The following EPHA7 variants were observed in gnomAD, a reference collection of about 807,000 sequenced individuals.
EPHA7 encodes EPH receptor A7.
A neutral mutation model predicts 112.6 loss-of-function variants in EPHA7; 25 were observed. The ratio of observed to expected loss-of-function variants is 0.22; its 90% CI spans 0.16 to 0.31. The LOEUF is 0.31. EPHA7 is among the 10% of genes least tolerant of loss of function. The pLI is 1.00. For missense variants in EPHA7, 962 were observed against 1,212.6 expected (o/e 0.79, Z 3.07); for synonymous variants, 437 against 406.5 (o/e 1.07, Z -0.90).
Position 93,280,987 on chromosome 6 carries a change from T to A in EPHA7, c.1325-8565A>T, listed in dbSNP as rs182320650. Among the ~76,000 whole-genome samples the A allele has an allele frequency of 2.9e-3, 446 of 152,238 alleles. 2 individuals carry two copies. The highest frequency in any genetic ancestry group is 0.01 in the African/African-American group (421 of 41,560). ...TGAGTTTGAGAATAATTCCTTTAAA[T>A]CTTTTGCAGGAACATAAATTGCTAT... On this transcript the variant is annotated intron_variant, in intron 5 of 16. Transcript: ENST00000369303.
chr6:93,386,257 T>A (rs530468099), intron 3 of EPHA7, among the ~76,000 whole-genome samples: 1 of 152,178 alleles, frequency 6.6e-6, no homozygotes, highest in South Asian at 2.1e-4. Flanking sequence ...GCCTGTAAAA[T>A]CAAATGCAAG....
intron 5 of EPHA7, among the ~76,000 whole-genome samples, chr6:93,333,429 T>C (rs912843502): frequency 1.3e-5 from 2 of 151,962 alleles, no homozygotes; most frequent in Admixed American, 1.3e-4. Flanking sequence ...GATCAAATGA[T>C]AGTTCTGTTT....
rs1337760902 is a variant in EPHA7, at chr6:93,242,422, A to C, written c.*1004T>G. On this transcript the variant is annotated 3_prime_UTR_variant, in exon 17 of 17. Transcript: ENST00000369303. ...CATTCAACAGAAGAGGATATAAAAT[A>C]TATGTCAACTATTTATCCTAAATTT... 5.2e-6 allele frequency: 1 copy of C among 193,806 alleles called. No individual in the cohort carries two copies. Among genetic ancestry groups the C allele is most frequent in the African/African-American group, 2.3e-5 (1 of 43,186 alleles). The allele number at this position is 193,806 out of a possible 1,614,324, so 12.0% of individuals were successfully genotyped here.
chr6:93,294,990 C>T (rs1772583236), intron 5 of EPHA7, among the ~76,000 whole-genome samples: 1 of 151,056 alleles, frequency 6.6e-6, no homozygotes. Flanking sequence ...CCAAATCATA[C>T]AGTGTGTTTA....
chr6:93,381,645 GT>G (rs2127971485), intron 3 of EPHA7, among the ~76,000 whole-genome samples: 1 of 152,156 alleles, frequency 6.6e-6, no homozygotes, highest in Non-Finnish European at 1.5e-5. Flanking sequence ...TATGTCAATG[GT>G]TGTTGGAACA....
intron 3 of EPHA7, 117 bp from the exon 4 acceptor site, chr6:93,358,528 TTGA>T (rs1460629731): frequency 1.2e-5 from 10 of 813,126 alleles, no homozygotes; most frequent in Non-Finnish European, 1.4e-5. Context: ...AAACAAGCTC[TTGA>T]TGATAAAATA....
At chr6:93,303,998 G>C (rs1047225084) in intron 5 of EPHA7, among the ~76,000 whole-genome samples, 7 of 151,992 alleles carry the variant, frequency 4.6e-5, no homozygotes, top group Admixed American at 4.6e-4. Flanking sequence ...ATAGGAGAAA[G>C]GTGCTTTTGC....
chr6:93,405,570 C>T (rs1026360403), intron 3 of EPHA7, among the ~76,000 whole-genome samples: 23 of 151,376 alleles, frequency 1.5e-4, no homozygotes, highest in African/African-American at 5.1e-4. Context: ...GTCCCACATG[C>T]TATTTTTAGG....
chr6:93,357,328 CCA>C (rs1158532265), intron 4 of EPHA7, among the ~76,000 whole-genome samples: 3 of 152,108 alleles, frequency 2.0e-5, no homozygotes, highest in African/African-American at 4.8e-5. Context: ...TGTACTTTTG[CCA>C]CAGTCTTTAA....
chr6:93,271,979 T>C (rs1338916015), intron 6 of EPHA7, among the ~76,000 whole-genome samples: 13 of 151,836 alleles, frequency 8.6e-5, no homozygotes, highest in South Asian at 2.1e-4. Flanking sequence ...TCAAAATGCA[T>C]TGGGCTGTGT....
In EPHA7 at chr6:93,258,289, A is replaced by G; in HGVS notation, c.1925-5T>C. The G allele has an allele frequency of 6.4e-7, 1 of 1,573,758 alleles. No homozygotes were observed. Among genetic ancestry groups the G allele is most frequent in the Non-Finnish European group, 8.6e-7 (1 of 1,160,016 alleles). ...TGCAGACTTCACCGAATTCTCCTGA[A>G]GTAACAGAACAAGCAGGCATATTTT... On this transcript the variant is annotated splice_region_variant and splice_polypyrimidine_tract_variant and intron_variant, in intron 10 of 16. Transcript: ENST00000369303.
At chr6:93,247,188 A>T (rs2127847556) in intron 14 of EPHA7, among the ~76,000 whole-genome samples, 1 of 152,298 alleles carries the variant, frequency 6.6e-6, no homozygotes, top group Non-Finnish European at 1.5e-5. Context: ...GACATTTCCT[A>T]GTTAATTCAG....
At chr6:93,295,982 T>C (rs1012184207) in intron 5 of EPHA7, among the ~76,000 whole-genome samples, 9 of 151,894 alleles carry the variant, frequency 5.9e-5, no homozygotes, top group Non-Finnish European at 5.9e-5. Flanking sequence ...ATCATATTCA[T>C]ATTTAATTAA....
At chr6:93,285,440 A>G (rs1276217141) in intron 5 of EPHA7, among the ~76,000 whole-genome samples, 9 of 151,996 alleles carry the variant, frequency 5.9e-5, no homozygotes, top group Admixed American at 2.0e-4. Context: ...CACAGAAGTA[A>G]TATCAGAAAT....
intron 3 of EPHA7, among the ~76,000 whole-genome samples, chr6:93,407,118 T>C (rs1778757613): frequency 6.6e-6 from 1 of 152,014 alleles, no homozygotes; most frequent in South Asian, 2.1e-4. Flanking sequence ...TTTTCAGTCA[T>C]GAAGAAAAGC....
intron 5 of EPHA7, among the ~76,000 whole-genome samples, chr6:93,345,484 T>C (rs1775357884): frequency 1.3e-5 from 2 of 151,734 alleles, no homozygotes; most frequent in East Asian, 1.9e-4. Context: ...ACATACATCA[T>C]CTGCTCTGCC....
chr6:93,245,550 A>G (rs1277463658), intron 15 of EPHA7, 97 bp from the exon 16 acceptor site: 1 of 1,267,832 alleles, frequency 7.9e-7, no homozygotes, highest in Non-Finnish European at 1.1e-6. Context: ...GAACAAAATT[A>G]GATGTTTTAA....
chr6:93,254,853 T>C (rs1207760495), intron 13 of EPHA7, 57 bp from the exon 14 acceptor site: 11 of 1,446,432 alleles, frequency 7.6e-6, no homozygotes, highest in East Asian at 2.5e-5. Context: ...ATATTATTTA[T>C]GGCAATACCA....
At position 93,419,228 on chromosome 6, in the gene EPHA7, C is replaced by G; in HGVS notation, c.97+17G>C. The G allele has an allele frequency of 6.2e-7, 1 of 1,606,262 alleles. No homozygotes were observed. Among genetic ancestry groups the G allele is most frequent in the Non-Finnish European group, 8.5e-7 (1 of 1,174,096 alleles). On this transcript the variant is annotated intron_variant, in intron 1 of 16. Transcript: ENST00000369303. Reference sequence around the variant, plus strand: ...AATAAATAAGTCAGAACAAACTTTGCTTTCCCATCACCTTACCTTCCTTCG... The same window carrying G: ...AATAAATAAGTCAGAACAAACTTTGGTTTCCCATCACCTTACCTTCCTTCG...
Sources: allele counts gnomAD v4.1 joint callset (sites outside exome capture counted in the v4.1 genomes callset), GRCh38; gene constraint gnomAD v4.1.1; transcripts MANE v1.5; gene names NCBI Gene and HGNC (gene_info 2026-07-23, HGNC 2026-07-21).